Variants in NIPSNAP1 observed in about 807,000 individuals in gnomAD.
The protein encoded by NIPSNAP1 is protein NipSnap homolog 1.
NIPSNAP1 carries 25 observed loss-of-function variants against 49.2 expected under a neutral mutation model. That is an observed-to-expected ratio of 0.51 (90% CI 0.37 to 0.71). NIPSNAP1 has a LOEUF of 0.71. Ranked by LOEUF, NIPSNAP1 falls within the 30% of genes least tolerant of loss-of-function variation. The pLI, the probability that NIPSNAP1 is intolerant of heterozygous loss-of-function variation, is 0.00. For missense variants in NIPSNAP1, 294 were observed against 361.0 expected (o/e 0.81, Z 1.50); for synonymous variants, 143 against 140.7 (o/e 1.02, Z -0.12).
At chr22:29,565,690 A>G (rs1424048482) in intron 4 of NIPSNAP1, among the ~76,000 whole-genome samples, 1 of 152,086 alleles carries the variant, frequency 6.6e-6, no homozygotes, top group South Asian at 2.1e-4. Context: ...CCTTAGCCAC[A>G]TATCAGTGTC....
intron 1 of NIPSNAP1, among the ~76,000 whole-genome samples, chr22:29,575,231 A>AAATAGCCAGCC (rs536254235): frequency 7.6e-4 from 116 of 152,294 alleles, no homozygotes; most frequent in African/African-American, 2.6e-3. Context: ...TAACATCAGC[A>AAATAGCCAGCC]CTGACCAAGA....
At chr22:29,572,101 G>A (rs895386839) in intron 1 of NIPSNAP1, among the ~76,000 whole-genome samples, 1 of 151,424 alleles carries the variant, frequency 6.6e-6, no homozygotes, top group Non-Finnish European at 1.5e-5. Context: ...TCAGGAGTTC[G>A]AGACCAGCCT....
At chr22:29,561,103 A>G (rs1381142862) in intron 7 of NIPSNAP1, 68 bp downstream of exon 7, 1 of 1,466,874 alleles carries the variant, frequency 6.8e-7, no homozygotes, top group Non-Finnish European at 9.6e-7. Context: ...GTGGCCCACC[A>G]GGGGCCTTGG....
chr22:29,574,590 C>T (rs2064437527), intron 1 of NIPSNAP1, among the ~76,000 whole-genome samples: 1 of 151,806 alleles, frequency 6.6e-6, no homozygotes, highest in African/African-American at 2.4e-5. Flanking sequence ...GCTAGCCTGG[C>T]CAACATGGTG....
chr22:29,561,597 C>G lies in NIPSNAP1; in HGVS notation c.488G>C (p.Arg163Thr), dbSNP rs765001822. The change falls in exon 6 of 10, where the codon AGA (arginine) becomes ACA (threonine). Residue 163 changes from arginine (R) to threonine (T), a missense_variant. Coordinates refer to ENST00000216121, the MANE Select transcript of NIPSNAP1 (RefSeq NM_003634.4). ...RERSQMLLSR[R>T]NQLLLEFSFW... ...GCTGAACTCGAGGAGCAGCTGGTTT[C>G]TCCTGGACAGCAGCATCTGGCTCCG... The G allele has an allele frequency of 6.2e-7, 1 of 1,614,124 alleles. No individual in the cohort carries two copies.
At chr22:29,570,354 C>T (rs770444069) in intron 2 of NIPSNAP1, 51 bp downstream of exon 2, 1 of 1,613,056 alleles carries the variant, frequency 6.2e-7, no homozygotes. Flanking sequence ...GCCTCACAGG[C>T]CCCCAGAGCC....
rs2146596226 is a variant in NIPSNAP1, at chr22:29,554,977, G to C, written c.*958C>G. 1 of 152,754 alleles carries C rather than the reference G, an allele frequency of 6.5e-6. No homozygotes were observed. The highest frequency in any genetic ancestry group is 1.5e-5 in the Non-Finnish European group (1 of 68,136). The allele number at this position is 152,754 out of a possible 1,614,324, so 9.5% of individuals were successfully genotyped here. On this transcript the variant is annotated 3_prime_UTR_variant, in exon 10 of 10. Transcript: ENST00000216121. ...CCTCCACACACCAGGTGGCCCTGCA[G>C]AATGAGGGTTGGGCTGATAGAATGT...
At chr22:29,576,603 G>A (rs1159511002) in intron 1 of NIPSNAP1, among the ~76,000 whole-genome samples, 1 of 151,174 alleles carries the variant, frequency 6.6e-6, no homozygotes, top group Admixed American at 6.6e-5. Context: ...TGAAAATGAT[G>A]AAAGCTGAAA....
Position 29,555,725 on chromosome 22 carries a change from A to G in NIPSNAP1, c.*210T>C. 1.0e-5 allele frequency: 6 copies of G among 578,052 alleles called. No homozygotes were observed. Among genetic ancestry groups the G allele is most frequent in the South Asian group, 2.0e-5 (1 of 49,230 alleles). 35.8% of individuals were successfully genotyped at this position (578,052 alleles called of 1,614,324 possible). ...ATCAGAAACTACTTCTAGCAGGGGG[A>G]GGGAGGCAGGCAGGGAAAGTAGAAA... On this transcript the variant is annotated 3_prime_UTR_variant, in exon 10 of 10. Transcript: ENST00000216121.
intron 2 of NIPSNAP1, 29 bp from the exon 3 acceptor site, chr22:29,570,236 G>A (rs2064398263): frequency 1.2e-6 from 2 of 1,613,010 alleles, no homozygotes; most frequent in African/African-American, 1.3e-5. Flanking sequence ...AACAAGAAGT[G>A]AGGTAGGGTG....
intron 1 of NIPSNAP1, among the ~76,000 whole-genome samples, chr22:29,579,001 T>A (rs2146620570): frequency 6.6e-6 from 1 of 151,466 alleles, no homozygotes; most frequent in East Asian, 1.9e-4. Flanking sequence ...CAGAAATTGC[T>A]TGAAACATAG....
intron 1 of NIPSNAP1, among the ~76,000 whole-genome samples, chr22:29,573,720 A>G (rs973919311): frequency 2.0e-5 from 3 of 150,224 alleles, no homozygotes; most frequent in African/African-American, 7.3e-5. Context: ...GTAAGCCGAG[A>G]TCAGGCCATT....
Position 29,558,935 on chromosome 22 carries a change from G to A in NIPSNAP1, c.725C>T (p.Ser242Phe), listed in dbSNP as rs1229585755. Residue 242 changes from serine to phenylalanine, a missense_variant, in exon 9 of 10, where the codon TCT (serine) becomes TTT (phenylalanine). Ser to Phe is a radical substitution (Grantham distance 155, BLOSUM62 -2). This residue lies in a region of NIPSNAP1 where 146 missense variants were observed against 219.9 expected (regional missense o/e 0.66). Transcript: ENST00000216121. The part of the protein sequence containing the change: ...HHLWAYKDLQ[S>F]REETRNAAWR... ...GGCAGCGTTTCGAGTCTCCTCCCGA[G>A]ACTGCAGGTCTTTATAGGCTGTGAG... The A allele has an allele frequency of 3.7e-6, 6 of 1,613,474 alleles. No homozygotes were observed. The highest frequency in any genetic ancestry group is 1.3e-5 in the African/African-American group (1 of 74,872).
chr22:29,580,914 G>T, intron 1 of NIPSNAP1, 71 bp downstream of exon 1: 2 of 1,204,056 alleles, frequency 1.7e-6, no homozygotes, highest in South Asian at 3.3e-5. Context: ...CCTCCCCCAC[G>T]ACCCAGTCCC....
Position 29,560,723 on chromosome 22 carries a change from C to T in NIPSNAP1, c.706+11G>A. The T allele has an allele frequency of 6.2e-7, 1 of 1,612,734 alleles. No homozygotes were observed. Among genetic ancestry groups the T allele is most frequent in the South Asian group, 1.1e-5 (1 of 91,036 alleles). On this transcript the variant is annotated intron_variant, in intron 8 of 9. Transcript: ENST00000216121. ...AACTAACAAAAGGCTCCTGGAAGGT[C>T]CTCAACCTACCCCAGAGATGGTGCA...
chr22:29,578,226 G>C (rs1209020418), intron 1 of NIPSNAP1, among the ~76,000 whole-genome samples: 1 of 150,788 alleles, frequency 6.6e-6, no homozygotes, highest in African/African-American at 2.5e-5. Flanking sequence ...AGTAGAGATG[G>C]GGTTTCACCA....
Position 29,561,455 on chromosome 22 carries a change from A to C in NIPSNAP1, c.579+51T>G, listed in dbSNP as rs768082496. 1.9e-6 allele frequency: 3 copies of C among 1,611,158 alleles called. No homozygotes were observed. In the South Asian group the frequency reaches 3.3e-5, roughly 18 times the overall value. On this transcript the variant is annotated intron_variant, in intron 6 of 9. Coordinates refer to ENST00000216121, the MANE Select transcript of NIPSNAP1 (RefSeq NM_003634.4). ...GGTGTTGGGGCAGCTGCAAAGCAGC[A>C]TTGCAGCAGGGAAATTGGGGGGCAG...
At chr22:29,566,119 T>C (rs1336003312) in intron 4 of NIPSNAP1, among the ~76,000 whole-genome samples, 1 of 151,624 alleles carries the variant, frequency 6.6e-6, no homozygotes, top group Non-Finnish European at 1.5e-5. Context: ...GTAGCTAGTA[T>C]GACTAAGAAA....
At chr22:29,580,866 G>T in intron 1 of NIPSNAP1, 119 bp downstream of exon 1, 2 of 748,588 alleles carry the variant, frequency 2.7e-6, no homozygotes, top group Non-Finnish European at 4.0e-6. Flanking sequence ...ATCCTGCCCC[G>T]CCTCTAACCC....
Sources: gnomAD v4.1 joint callset for allele counts (sites outside exome capture counted in the v4.1 genomes callset) on GRCh38, gnomAD v4.1.1 for gene constraint, gnomAD v4.1.1 regional missense constraint, MANE v1.5 for transcripts, NCBI Gene and HGNC (gene_info 2026-07-23, HGNC 2026-07-21) for gene names.